NIPBL: variants seen among roughly 807,000 people sequenced by gnomAD.
The protein encoded by NIPBL is nipped-B-like protein.
Under a neutral mutation model 321.8 loss-of-function variants are expected in NIPBL, and 19 were observed. The observed-to-expected ratio is 0.06, with a 90% CI of 0.04 to 0.09. NIPBL has a LOEUF of 0.09. NIPBL is among the 10% of genes least tolerant of loss of function. The probability of loss-of-function intolerance (pLI) is 1.00; values close to 1 mark genes in which losing one functional copy is unlikely to be tolerated. For synonymous variants in NIPBL, 1,106 were observed against 1,114.1 expected (o/e 0.99, Z 0.14); for missense variants, 2,210 against 3,327.0 (o/e 0.66, Z 8.26).
intron 40 of NIPBL, chr5:37,050,820 A>G (rs1023879562): frequency 2.6e-5 from 4 of 152,120 alleles, no homozygotes; most frequent in Non-Finnish European, 5.9e-5. Flanking sequence ...GGCGTTCTCT[A>G]TAGCCTTTTT....
intron 32 of NIPBL, among the ~76,000 whole-genome samples, chr5:37,029,594 T>G (rs1288270517): frequency 1.3e-5 from 2 of 152,204 alleles, no homozygotes; most frequent in Non-Finnish European, 2.9e-5. Flanking sequence ...AGGAATGTGA[T>G]TACAGGGTCA....
rs1203239399 is a variant in NIPBL, at chr5:37,064,909, G to A, written c.*17G>A. 1.2e-6 allele frequency: 2 copies of A among 1,613,850 alleles called. No individual in the cohort carries two copies. Among genetic ancestry groups the A allele is most frequent in the Admixed American group, 1.7e-5 (1 of 59,982 alleles). On this transcript the variant is annotated 3_prime_UTR_variant, in exon 47 of 47. Coordinates refer to ENST00000282516, the MANE Select transcript of NIPBL (RefSeq NM_133433.4). ...TCCAGCTAATGAATTTGTACATGCA[G>A]CCAAATTTACAGGAATTTTTTTAAA...
At chr5:36,927,806 T>TAA (rs1749478997) in intron 1 of NIPBL, among the ~76,000 whole-genome samples, 1 of 152,114 alleles carries the variant, frequency 6.6e-6, no homozygotes, top group Non-Finnish European at 1.5e-5. Context: ...CTGGAGTCTT[T>TAA]AATATATATA....
chr5:36,912,407 A>G (rs936967235), intron 1 of NIPBL, among the ~76,000 whole-genome samples: 3 of 151,948 alleles, frequency 2.0e-5, no homozygotes, highest in African/African-American at 7.3e-5. Context: ...GTTATATAAG[A>G]CTCAGGTTTA....
chr5:36,891,570 CTTAGA>C (rs987979268), intron 1 of NIPBL, among the ~76,000 whole-genome samples: 1 of 151,976 alleles, frequency 6.6e-6, no homozygotes, highest in African/African-American at 2.4e-5. Context: ...CTGATGATGG[CTTAGA>C]TTATTAGAAC....
intron 6 of NIPBL, among the ~76,000 whole-genome samples, chr5:36,970,574 A>G (rs1008053078): frequency 2.6e-5 from 4 of 151,936 alleles, no homozygotes; most frequent in African/African-American, 9.7e-5. Context: ...AAGATAACAC[A>G]TAGGCAGAAT....
rs1161597436 is a variant in NIPBL, at chr5:36,996,732, C to T, written c.3304+928C>T. ...GTGCCAACTGACTTAGTCATAATGA[C>T]CAAAAGAAGTGGGAAGACCACCAGT... On this transcript the variant is annotated intron_variant, in intron 11 of 46. Transcript: ENST00000282516. The surrounding 1 kb of genome is among the most constrained non-coding windows in gnomAD (Gnocchi z 5.0). The T allele has an allele frequency of 2.0e-5, 6 of 301,706 alleles. No homozygotes were observed. The highest frequency in any genetic ancestry group is 1.7e-4 in the South Asian group (6 of 35,836). 18.7% of individuals were successfully genotyped at this position (301,706 alleles called of 1,614,324 possible).
chr5:36,986,474 A>G (rs1744820046), intron 10 of NIPBL, among the ~76,000 whole-genome samples, 173 bp downstream of exon 10: 1 of 152,134 alleles, frequency 6.6e-6, no homozygotes, highest in Non-Finnish European at 1.5e-5. Flanking sequence ...GTTTCCAGTG[A>G]ATTTTTTTTT....
intron 1 of NIPBL, among the ~76,000 whole-genome samples, chr5:36,896,038 A>G (rs1746706799): frequency 1.3e-5 from 2 of 151,800 alleles, no homozygotes; most frequent in Non-Finnish European, 2.9e-5. Flanking sequence ...AGGACAGGAA[A>G]AGTTACACCC....
At chr5:36,942,198 G>A (rs1580288290) in intron 1 of NIPBL, among the ~76,000 whole-genome samples, 2 of 150,778 alleles carry the variant, frequency 1.3e-5, no homozygotes, top group East Asian at 2.0e-4. Flanking sequence ...TTTGGGAGGC[G>A]GAGTGGGGCG....
At chr5:36,923,958 A>G (rs1749154433) in intron 1 of NIPBL, among the ~76,000 whole-genome samples, 1 of 152,198 alleles carries the variant, frequency 6.6e-6, no homozygotes, top group African/African-American at 2.4e-5. Flanking sequence ...GCAAGTTCCA[A>G]GTTATCTGTA....
intron 11 of NIPBL, among the ~76,000 whole-genome samples, chr5:36,997,874 C>CT (rs1410664228): frequency 6.6e-6 from 1 of 151,552 alleles, no homozygotes; most frequent in East Asian, 1.9e-4. Context: ...CATTATGCTG[C>CT]TGAGAGAGAG....
intron 1 of NIPBL, among the ~76,000 whole-genome samples, chr5:36,929,217 A>G (rs1299127948): frequency 6.6e-6 from 1 of 152,110 alleles, no homozygotes; most frequent in Non-Finnish European, 1.5e-5. Context: ...TCATGGTATC[A>G]TTGTGGTTTC....
At chr5:37,028,155 T>C (rs1351672446) in intron 32 of NIPBL, among the ~76,000 whole-genome samples, 1 of 152,024 alleles carries the variant, frequency 6.6e-6, no homozygotes, top group Non-Finnish European at 1.5e-5. Context: ...GTTTCATAAA[T>C]AGAAATGTTT....
In NIPBL at chr5:36,959,247, T is replaced by C. The variant is rs534176635; in HGVS notation, c.358+1016T>C. 2.0e-5 allele frequency among the ~76,000 whole-genome samples: 3 copies of C among 152,258 alleles called. No homozygotes were observed. In the South Asian group the frequency reaches 6.2e-4, roughly 32 times the overall value. On this transcript the variant is annotated intron_variant, in intron 4 of 46. Coordinates refer to ENST00000282516, the MANE Select transcript of NIPBL (RefSeq NM_133433.4). ...AATAAATAAAATAATTTTGCCAAAT[T>C]CATTTTGGTTTTGGTTTACTTTGTT... is the stretch of plus-strand genomic sequence containing the variant.
intron 1 of NIPBL, among the ~76,000 whole-genome samples, chr5:36,913,468 C>T (rs1031510239): frequency 1.3e-4 from 20 of 151,072 alleles, no homozygotes; most frequent in African/African-American, 4.9e-4. Flanking sequence ...ACAGCTACTG[C>T]ATCTTCTACT....
intron 33 of NIPBL, among the ~76,000 whole-genome samples, chr5:37,037,459 C>A (rs1380221456): frequency 6.9e-6 from 1 of 144,536 alleles, no homozygotes; most frequent in Non-Finnish European, 1.5e-5. Context: ...ATATAGATAC[C>A]CATTGCTTGA....
At chr5:37,045,740 C>CA in intron 37 of NIPBL, 143 bp downstream of exon 37, 1 of 832,978 alleles carries the variant, frequency 1.2e-6, no homozygotes, top group Non-Finnish European at 1.9e-6. Context: ...CTGCTCAAAA[C>CA]GTGGTCCTCA....
At chr5:37,047,786 A>G (rs546169144) in intron 38 of NIPBL, among the ~76,000 whole-genome samples, 2 of 152,304 alleles carry the variant, frequency 1.3e-5, no homozygotes, top group African/African-American at 2.4e-5. Flanking sequence ...TTTGTTACCA[A>G]TAATACTTGC....
Sources: allele counts gnomAD v4.1 joint callset (sites outside exome capture counted in the v4.1 genomes callset), GRCh38; gene constraint gnomAD v4.1.1; non-coding constraint Gnocchi (gnomAD v3.1); transcripts MANE v1.5; gene names NCBI Gene and HGNC (gene_info 2026-07-23, HGNC 2026-07-21).